The following DGCR8 variants were observed in gnomAD, a reference collection of about 807,000 sequenced individuals.
DGCR8 encodes the protein microprocessor complex subunit DGCR8.
DGCR8 carries 14 observed loss-of-function variants against 78.5 expected under a neutral mutation model. That is an observed-to-expected ratio of 0.18 (90% CI 0.12 to 0.28). The LOEUF (loss-of-function observed/expected upper bound fraction) is 0.28. Among genes scored for constraint, DGCR8 ranks in the 10% least tolerant of loss-of-function variants. The pLI, the probability that DGCR8 is intolerant of heterozygous loss-of-function variation, is 1.00. For missense variants in DGCR8, 702 were observed against 1,022.5 expected, an observed-to-expected ratio of 0.69 and a Z score of 4.28; for synonymous variants, 399 against 402.4, an observed-to-expected ratio of 0.99 and a Z score of 0.10.
chr22:20,104,226 G>A (rs892827531), intron 9 of DGCR8, among the ~76,000 whole-genome samples: 5 of 151,144 alleles, frequency 3.3e-5, no homozygotes, highest in African/African-American at 9.7e-5. Flanking sequence ...CTGCAGTGGC[G>A]CAATCTTGGC....
chr22:20,086,412 T>C lies in DGCR8; in HGVS notation c.449T>C (p.Leu150Pro). The change falls in exon 2 of 14, where the codon CTG (leucine) becomes CCG (proline). Residue 150 changes from leucine to proline, a missense_variant. Transcript: ENST00000351989. The surrounding 1 kb of genome is among the most constrained non-coding windows in gnomAD (Gnocchi z 6.4). ...AERDVRAECG[L>P]LLSPVSGDVH... ...CGCGACGTGCGGGCGGAGTGCGGTC[T>C]GCTCCTTAGCCCTGTCAGTGGGGAC... 6.2e-7 allele frequency: 1 copy of C among 1,614,020 alleles called. No individual in the cohort carries two copies. The highest frequency in any genetic ancestry group is 8.5e-7 in the Non-Finnish European group (1 of 1,180,024).
chr22:20,101,493 G>A (rs911000767), intron 9 of DGCR8: 2 of 828,260 alleles, frequency 2.4e-6, no homozygotes, highest in African/African-American at 1.9e-5. Flanking sequence ...CAGGAGAATG[G>A]CGTGAACCCA....
rs1404611290 is a variant in DGCR8 at position 20,111,378 on chromosome 22, T to C, written c.*1270T>C. On this transcript the variant is annotated 3_prime_UTR_variant, in exon 14 of 14. Coordinates refer to ENST00000351989, the MANE Select transcript of DGCR8 (RefSeq NM_022720.7). ...TACTGATGGCGCTTTTTTTTTTTTT[T>C]CTGTCAGGAAAACAATGTTGGCCTG... 1.8e-5 allele frequency: 7 copies of C among 396,396 alleles called. No individual in the cohort carries two copies. The highest frequency in any genetic ancestry group is 3.1e-5 in the Non-Finnish European group (7 of 225,226). 24.6% of individuals were successfully genotyped at this position (396,396 alleles called of 1,614,324 possible). A position where few individuals can be genotyped will look rare whatever the true frequency, so the allele number is the denominator to read the frequency against.
Position 20,080,260 on chromosome 22 carries a change from C to T in DGCR8, c.-401C>T, listed in dbSNP as rs1327939123. The T allele has an allele frequency of 6.1e-6, 6 of 977,814 alleles. No homozygotes were observed. Among genetic ancestry groups the T allele is most frequent in the African/African-American group, 1.8e-5 (1 of 56,760 alleles). 60.6% of individuals were successfully genotyped at this position (977,814 alleles called of 1,614,324 possible). On this transcript the variant is annotated 5_prime_UTR_variant, in exon 1 of 14. Transcript: ENST00000351989. Reference sequence around the variant, plus strand: ...CCCGCCCTCCGCTCGCCCGGCGCGGCAGGCGGGTGCCGGCGACCGGAGAGC... The same window carrying T: ...CCCGCCCTCCGCTCGCCCGGCGCGGTAGGCGGGTGCCGGCGACCGGAGAGC...
In DGCR8 at chr22:20,110,999, T is replaced by C. The variant is rs142988487; in HGVS notation, c.*891T>C. ...TTTTGAAAGACTTTCACAGTGAGAG[T>C]AGAAGGTAGATTTGGAATCATGCAT... On this transcript the variant is annotated 3_prime_UTR_variant, in exon 14 of 14. Transcript: ENST00000351989. 2.5e-6 allele frequency: 1 copy of C among 396,904 alleles called. No homozygotes were observed. The highest frequency in any genetic ancestry group is 3.6e-5 in the East Asian group (1 of 28,032). The allele number at this position is 396,904 out of a possible 1,614,324, so 24.6% of individuals were successfully genotyped here.
rs1216680158 is a variant in DGCR8, at chr22:20,102,145, G to A, written c.1789-4032G>A. 3 of 883,538 alleles carry A rather than the reference G, an allele frequency of 3.4e-6. No homozygotes were observed. In the Admixed American group the frequency reaches 1.9e-4, roughly 56 times the overall value. The allele number at this position is 883,538 out of a possible 1,614,324, so 54.7% of individuals were successfully genotyped here. A position where few individuals can be genotyped will look rare whatever the true frequency, so the allele number is the denominator to read the frequency against. ...TAAATTCACTTTTTGGTACAGTACT[G>A]TGAGTTTTGACAAATACACAGTCAT... On this transcript the variant is annotated intron_variant, in intron 9 of 13. Coordinates refer to ENST00000351989, the MANE Select transcript of DGCR8 (RefSeq NM_022720.7).
At position 20,094,457 on chromosome 22, in the gene DGCR8, C is replaced by T. The variant is rs560471889; in HGVS notation, c.1706-256C>T. On this transcript the variant is annotated intron_variant, in intron 8 of 13. Coordinates refer to ENST00000351989, the MANE Select transcript of DGCR8 (RefSeq NM_022720.7). Reference sequence around the variant, plus strand: ...CTAACATACAGCTCCGAGCTCCTCCCTGCCTGCTCCCAGGACCCCAGGGTG... The same window carrying T: ...CTAACATACAGCTCCGAGCTCCTCCTTGCCTGCTCCCAGGACCCCAGGGTG... 3.4e-4 allele frequency among the ~76,000 whole-genome samples: 52 copies of T among 152,250 alleles called. 1 individual carries two copies. The highest frequency in any genetic ancestry group is 4.4e-5 in the Non-Finnish European group (3 of 68,036).
chr22:20,089,971 C>T lies in DGCR8; in HGVS notation c.1024-5C>T, dbSNP rs2089614157. On this transcript the variant is annotated splice_polypyrimidine_tract_variant and splice_region_variant and intron_variant, in intron 4 of 13. Transcript: ENST00000351989. This position sits in a 1 kb window ranked among gnomAD's most constrained non-coding sequence, Gnocchi z 4.9. ...TAATCCATATTGCAATTTCACTATC[C>T]ACAGAAACACGACCCTCCTCTGAGT... is the stretch of plus-strand genomic sequence containing the variant. 2 of 1,602,406 alleles carry T rather than the reference C, an allele frequency of 1.2e-6. No individual in the cohort carries two copies. The highest frequency in any genetic ancestry group is 2.2e-5 in the East Asian group (1 of 44,724).
Position 20,080,255 on chromosome 22 carries a change from C to A in DGCR8, c.-406C>A. The A allele has an allele frequency of 3.1e-6, 3 of 974,638 alleles. No homozygotes were observed. The highest frequency in any genetic ancestry group is 3.6e-6 in the Non-Finnish European group (3 of 822,230). 60.4% of individuals were successfully genotyped at this position (974,638 alleles called of 1,614,324 possible). ...GAAGGCCCGCCCTCCGCTCGCCCGGCGCGGCAGGCGGGTGCCGGCGACCGG... is the reference window on the plus strand; with the variant it reads ...GAAGGCCCGCCCTCCGCTCGCCCGGAGCGGCAGGCGGGTGCCGGCGACCGG... On this transcript the variant is annotated 5_prime_UTR_variant, in exon 1 of 14. Transcript: ENST00000351989.
Position 20,080,274 on chromosome 22 carries a change from C to A in DGCR8, c.-387C>A. 1 of 980,648 alleles carries A rather than the reference C, an allele frequency of 1.0e-6. No homozygotes were observed. The highest frequency in any genetic ancestry group is 5.2e-4 in the Middle Eastern group (1 of 1,906). 60.7% of individuals were successfully genotyped at this position (980,648 alleles called of 1,614,324 possible). A position where few individuals can be genotyped will look rare whatever the true frequency, so the allele number is the denominator to read the frequency against. On this transcript the variant is annotated 5_prime_UTR_variant, in exon 1 of 14. Coordinates refer to ENST00000351989, the MANE Select transcript of DGCR8 (RefSeq NM_022720.7). The stretch of plus-strand genomic sequence containing the variant: ...GCCCGGCGCGGCAGGCGGGTGCCGG[C>A]GACCGGAGAGCCTGGACAGGCTTTC...
At chr22:20,109,525 A>G (rs1199872243) in intron 13 of DGCR8, among the ~76,000 whole-genome samples, 1 of 152,076 alleles carries the variant, frequency 6.6e-6, no homozygotes, top group Non-Finnish European at 1.5e-5. Flanking sequence ...GAGCCCCAGG[A>G]GGTATCTGCT....
chr22:20,108,685 C>T (rs1369674234), intron 12 of DGCR8: 2 of 429,060 alleles, frequency 4.7e-6, no homozygotes, highest in South Asian at 2.2e-5. Flanking sequence ...GACTGCCCCT[C>T]GCTCTCTGCT....
intron 9 of DGCR8, among the ~76,000 whole-genome samples, chr22:20,095,772 A>G (rs1202082265): frequency 1.3e-5 from 2 of 152,120 alleles, no homozygotes; most frequent in African/African-American, 2.4e-5. Context: ...TGTAATCACT[A>G]TACAACTCAC....
chr22:20,085,121 C>A lies in DGCR8; in HGVS notation c.-277-566C>A. On this transcript the variant is annotated intron_variant, in intron 1 of 13. Coordinates refer to ENST00000351989, the MANE Select transcript of DGCR8 (RefSeq NM_022720.7). The surrounding 1 kb of genome is among the most constrained non-coding windows in gnomAD (Gnocchi z 6.2). ...CTCTGGTGACCTCAGCACGCTGCAT[C>A]ACTGTCCCCGTCCACGTGCTACCCT... 4.8e-6 allele frequency: 4 copies of A among 835,280 alleles called. No individual in the cohort carries two copies. Among genetic ancestry groups the A allele is most frequent in the Non-Finnish European group, 5.8e-6 (4 of 692,710 alleles). The allele number at this position is 835,280 out of a possible 1,614,324, so 51.7% of individuals were successfully genotyped here.
In DGCR8 at chr22:20,086,535, A is replaced by G; in HGVS notation, c.572A>G (p.Glu191Gly). The G allele has an allele frequency of 6.2e-7, 1 of 1,614,040 alleles. No individual in the cohort carries two copies. The highest frequency in any genetic ancestry group is 8.5e-7 in the Non-Finnish European group (1 of 1,180,022). ...GATGAGGAGAATGAGCTGGATCAGG[A>G]AAAGAGAGTGGAGTATGCAGTGCTC... ...KKDEENELDQ[E>G]KRVEYAVLDE... Residue 191 changes from glutamate (E) to glycine (G), a missense_variant, in exon 2 of 14, where the codon GAA becomes GGA. This residue lies in a region of DGCR8 where 356 missense variants were observed against 448.9 expected (regional missense o/e 0.79). Coordinates refer to ENST00000351989, the MANE Select transcript of DGCR8 (RefSeq NM_022720.7). The surrounding 1 kb of genome is among the most constrained non-coding windows in gnomAD (Gnocchi z 6.4).
intron 12 of DGCR8, 60 bp downstream of exon 12, chr22:20,107,458 G>T: frequency 1.2e-6 from 2 of 1,604,998 alleles, no homozygotes; most frequent in South Asian, 1.1e-5. Context: ...GCGTATTCCT[G>T]AGGCTCTGTG....
chr22:20,091,094 A>G (rs1041761023), intron 5 of DGCR8, among the ~76,000 whole-genome samples: 4 of 152,198 alleles, frequency 2.6e-5, no homozygotes, highest in Non-Finnish European at 5.9e-5. Context: ...GGGCGCATGG[A>G]GCCCGGGTGC....
intron 9 of DGCR8, among the ~76,000 whole-genome samples, chr22:20,095,358 C>T (rs9606244): frequency 0.13 from 19,918 of 152,090 alleles, 1,701 homozygotes; most frequent in Non-Finnish European, 0.19. Context: ...CACTCGCTTC[C>T]GCCTCCTAAA....
At chr22:20,100,502 C>T (rs1279065078) in intron 9 of DGCR8, 2 of 985,252 alleles carry the variant, frequency 2.0e-6, no homozygotes, top group African/African-American at 3.5e-5. Context: ...GACGATGGTG[C>T]CTGAGTTGTG....
Sources: gnomAD v4.1 joint callset for allele counts (sites outside exome capture counted in the v4.1 genomes callset) on GRCh38, gnomAD v4.1.1 for gene constraint, gnomAD v4.1.1 regional missense constraint, Gnocchi (gnomAD v3.1) non-coding constraint, MANE v1.5 for transcripts, NCBI Gene and HGNC (gene_info 2026-07-23, HGNC 2026-07-21) for gene names.